Variants in PTPRZ1 observed in about 807,000 individuals in gnomAD.
PTPRZ1 encodes protein tyrosine phosphatase receptor type Z1, also known as receptor-type tyrosine-protein phosphatase zeta.
Under a neutral mutation model 214.1 loss-of-function variants are expected in PTPRZ1, and 82 were observed. That is an observed-to-expected ratio of 0.38 (90% CI 0.32 to 0.46). The LOEUF (loss-of-function observed/expected upper bound fraction) is 0.46, where lower values mean the gene tolerates loss of function less well. Among genes scored for constraint, PTPRZ1 ranks in the 20% least tolerant of loss-of-function variants. The pLI, the probability that PTPRZ1 is intolerant of heterozygous loss-of-function variation, is 1.00. For synonymous variants in PTPRZ1, 945 were observed against 987.9 expected (o/e 0.96, Z 0.81); for missense variants, 2,603 against 2,748.7 (o/e 0.95, Z 1.19).
intron 1 of PTPRZ1, among the ~76,000 whole-genome samples, chr7:121,894,764 C>A (rs188468597): frequency 2.2e-4 from 34 of 152,180 alleles, no homozygotes; most frequent in Admixed American, 2.0e-3. Context: ...TATTAGAATT[C>A]TTTGTCTTAA....
chr7:121,993,593 A>C lies in PTPRZ1; in HGVS notation c.929-2789A>C, dbSNP rs986058015. Reference sequence around the variant, plus strand: ...GTCTCAAAAAAAAAAAAAAAAAAAAAACACAAAACAAAAAACAAAGATAAT... The same window carrying C: ...GTCTCAAAAAAAAAAAAAAAAAAAACACACAAAACAAAAAACAAAGATAAT... On this transcript the variant is annotated intron_variant, in intron 8 of 29. Coordinates refer to ENST00000393386, the MANE Select transcript of PTPRZ1 (RefSeq NM_002851.3). 7.8e-4 allele frequency among the ~76,000 whole-genome samples: 117 copies of C among 150,610 alleles called. 1 individual carries two copies. Among genetic ancestry groups the C allele is most frequent in the African/African-American group, 2.5e-3 (102 of 41,120 alleles).
intron 13 of PTPRZ1, among the ~76,000 whole-genome samples, chr7:122,023,743 A>G (rs1484180442): frequency 1.5e-5 from 2 of 136,366 alleles, no homozygotes; most frequent in Admixed American, 8.1e-5. Context: ...AATTTTATAT[A>G]TAATTATATA....
intron 8 of PTPRZ1, among the ~76,000 whole-genome samples, chr7:121,990,776 T>C (rs1797936445): frequency 6.6e-6 from 1 of 152,078 alleles, no homozygotes; most frequent in Non-Finnish European, 1.5e-5. Flanking sequence ...TGCCCTCACC[T>C]CCCAAAGTGC....
At chr7:122,053,027 A>T (rs1792234857) in intron 25 of PTPRZ1, among the ~76,000 whole-genome samples, 1 of 152,186 alleles carries the variant, frequency 6.6e-6, no homozygotes, top group African/African-American at 2.4e-5. Context: ...TCCATTGAGC[A>T]GTCTCACCTA....
At chr7:121,886,809 C>T (rs1794412633) in intron 1 of PTPRZ1, among the ~76,000 whole-genome samples, 1 of 152,010 alleles carries the variant, frequency 6.6e-6, no homozygotes. Context: ...CCATGGAAAC[C>T]TTTGAGAAAA....
At chr7:121,884,967 G>A (rs1018129589) in intron 1 of PTPRZ1, among the ~76,000 whole-genome samples, 15 of 152,012 alleles carry the variant, frequency 9.9e-5, no homozygotes, top group African/African-American at 2.4e-4. Flanking sequence ...GTCCCTCCCC[G>A]TCATTTTTAC....
At position 122,010,705 on chromosome 7, in the gene PTPRZ1, G is replaced by T. The variant is rs773983579; in HGVS notation, c.1659G>T (p.Leu553Phe). The stretch of plus-strand genomic sequence containing the variant: ...TTCTTAGATCTCCACATATGAACTT[G>T]TCGGGGACTGCAGAATCCTTAAATA... ...KTVLRSPHMN[L>F]SGTAESLNTV... The change falls in exon 12 of 30, where the codon TTG becomes TTT. Residue 553 changes from leucine (L) to phenylalanine (F), a missense_variant. Leu to Phe is a conservative substitution (Grantham distance 22). Around this residue, in one of 6 missense-constraint regions of PTPRZ1, gnomAD observed 1,913 missense variants for 1,914.3 expected, o/e 1.00. Transcript: ENST00000393386. 6 of 1,613,946 alleles carry T rather than the reference G, an allele frequency of 3.7e-6. No homozygotes were observed. The East Asian group carries it at 1.1e-4, about 30-fold the overall frequency.
At position 121,952,054 on chromosome 7, in the gene PTPRZ1, G is replaced by A. The variant is rs557718849; in HGVS notation, c.125-15897G>A. ...GCTCACTGCAAGCTCCGCCTCCCGG[G>A]TTCACGCCATTCTCCTGCCTCAGCC... is the stretch of plus-strand genomic sequence containing the variant. On this transcript the variant is annotated intron_variant, in intron 2 of 29. Coordinates refer to ENST00000393386, the MANE Select transcript of PTPRZ1 (RefSeq NM_002851.3). Among the ~76,000 whole-genome samples the A allele has an allele frequency of 5.9e-5, 9 of 151,832 alleles. No individual in the cohort carries two copies. The South Asian group carries it at 1.9e-3, about 32-fold the overall frequency.
intron 25 of PTPRZ1, among the ~76,000 whole-genome samples, chr7:122,052,407 C>T (rs1223905401): frequency 6.6e-6 from 1 of 152,162 alleles, no homozygotes; most frequent in Admixed American, 6.5e-5. Flanking sequence ...TCTGCATTTA[C>T]ATCTTTTGTG....
intron 8 of PTPRZ1, among the ~76,000 whole-genome samples, chr7:121,985,069 C>T (rs1797725554): frequency 6.6e-6 from 1 of 151,996 alleles, no homozygotes. Flanking sequence ...AAACAACAAG[C>T]TTTTATTGTT....
intron 14 of PTPRZ1, among the ~76,000 whole-genome samples, chr7:122,030,387 G>C (rs1310592501): frequency 2.6e-5 from 4 of 152,042 alleles, no homozygotes; most frequent in South Asian, 2.1e-4. Context: ...ACATCAAGGG[G>C]TTTGAAGGAC....
chr7:121,972,779 C>A, intron 4 of PTPRZ1, 87 bp downstream of exon 4: 2 of 1,081,494 alleles, frequency 1.8e-6, no homozygotes, highest in South Asian at 2.4e-5. Context: ...ATTTTAAAAT[C>A]CAATATTAAA....
chr7:121,982,287 A>G (rs888554334), intron 6 of PTPRZ1, among the ~76,000 whole-genome samples: 1 of 152,154 alleles, frequency 6.6e-6, no homozygotes, highest in Non-Finnish European at 1.5e-5. Flanking sequence ...CTACAGCTTT[A>G]TATGTAACAG....
chr7:121,876,403 C>CA (rs1275787927), intron 1 of PTPRZ1, among the ~76,000 whole-genome samples: 2 of 152,078 alleles, frequency 1.3e-5, no homozygotes, highest in African/African-American at 4.8e-5. Flanking sequence ...ACACTAAGTT[C>CA]AAATGTTTAA....
At chr7:121,932,473 C>G (rs1188321016) in intron 2 of PTPRZ1, among the ~76,000 whole-genome samples, 2 of 152,010 alleles carry the variant, frequency 1.3e-5, no homozygotes, top group Non-Finnish European at 2.9e-5. Flanking sequence ...TGGACTTGAC[C>G]ACATTCAGTT....
chr7:122,006,690 G>A (rs1798495982), intron 11 of PTPRZ1, among the ~76,000 whole-genome samples: 1 of 151,804 alleles, frequency 6.6e-6, no homozygotes, highest in South Asian at 2.1e-4. Flanking sequence ...AGGCTGGCTT[G>A]TTGTAGTCAG....
intron 23 of PTPRZ1, among the ~76,000 whole-genome samples, chr7:122,045,206 C>A (rs113283673): frequency 8.3e-4 from 127 of 152,224 alleles, no homozygotes; most frequent in East Asian, 2.7e-3. Flanking sequence ...TGTGCAGAAT[C>A]GTAGCTTTCC....
chr7:121,956,152 C>T (rs1385229778), intron 2 of PTPRZ1, among the ~76,000 whole-genome samples: 1 of 152,064 alleles, frequency 6.6e-6, no homozygotes, highest in East Asian at 1.9e-4. Flanking sequence ...CTGCAACTAC[C>T]CGTCCTCTCT....
chr7:121,991,278 C>A (rs1476041228), intron 8 of PTPRZ1, among the ~76,000 whole-genome samples: 3 of 152,040 alleles, frequency 2.0e-5, no homozygotes, highest in Admixed American at 6.6e-5. Flanking sequence ...ATATGGACAG[C>A]CAAGATATCA....
Sources: allele counts gnomAD v4.1 joint callset (sites outside exome capture counted in the v4.1 genomes callset), GRCh38; gene constraint gnomAD v4.1.1; regional missense constraint gnomAD v4.1.1; transcripts MANE v1.5; gene names NCBI Gene and HGNC (gene_info 2026-07-23, HGNC 2026-07-21).